Variants in WIZ observed in about 807,000 individuals in gnomAD.
The protein encoded by WIZ is WIZ zinc finger, also known as protein Wiz.
A neutral mutation model predicts 140.2 loss-of-function variants in WIZ; 25 were observed. The observed-to-expected ratio is 0.18, with a 90% CI of 0.13 to 0.25. The LOEUF (loss-of-function observed/expected upper bound fraction) is 0.25. Among genes scored for constraint, WIZ ranks in the 10% least tolerant of loss-of-function variants. WIZ has a pLI of 1.00. For missense variants in WIZ, 2,231 were observed against 2,632.6 expected, an observed-to-expected ratio of 0.85 and a Z score of 3.34; for synonymous variants, 1,125 against 1,154.3, an observed-to-expected ratio of 0.97 and a Z score of 0.51.
rs968437006 is a variant in WIZ, at chr19:15,440,104, A to T, written c.890T>A (p.Val297Glu). The change falls in exon 4 of 13, where the codon GTG (valine) becomes GAG (glutamate). Residue 297 changes from valine to glutamate, a missense_variant. Val to Glu is a moderately radical substitution (Grantham distance 121). Coordinates refer to ENST00000673675, the MANE Select transcript of WIZ (RefSeq NM_001371589.1). This position sits in a 1 kb window ranked among gnomAD's most constrained non-coding sequence, Gnocchi z 6.2. Reference sequence around the variant, plus strand: ...ATCTGGGCTGGCCACCCCTTCGGCCACCTCCTCCAGCAGCTCACACAGGTA... The same window carrying T: ...ATCTGGGCTGGCCACCCCTTCGGCCTCCTCCTCCAGCAGCTCACACAGGTA... ...GPYLCELLEE[V>E]AEGVASPDED... 13 of 1,533,536 alleles carry T rather than the reference A, an allele frequency of 8.5e-6. No homozygotes were observed. Among genetic ancestry groups the T allele is most frequent in the Admixed American group, 2.0e-5 (1 of 50,726 alleles). The allele number at this position is 1,533,536 out of a possible 1,614,324, so 95.0% of individuals were successfully genotyped here.
Position 15,422,715 on chromosome 19 carries a change from G to A in WIZ, c.*361C>T. 3.2e-6 allele frequency: 1 copy of A among 311,042 alleles called. No individual in the cohort carries two copies. The highest frequency in any genetic ancestry group is 4.7e-5 in the Admixed American group (1 of 21,396). 19.3% of individuals were successfully genotyped at this position (311,042 alleles called of 1,614,324 possible). ...GGGAACCAGAACAGGGGTCTTTGGGGTCTTTGCAAATGGCCACGGATGGCA... is the reference window on the plus strand; with the variant it reads ...GGGAACCAGAACAGGGGTCTTTGGGATCTTTGCAAATGGCCACGGATGGCA... On this transcript the variant is annotated 3_prime_UTR_variant, in exon 13 of 13. Transcript: ENST00000673675.
At position 15,429,803 on chromosome 19, in the gene WIZ, A is replaced by C. The variant is rs2145275706; in HGVS notation, c.3198T>G (p.Ala1066=). The C allele has an allele frequency of 6.6e-7, 1 of 1,526,302 alleles. No individual in the cohort carries two copies. The highest frequency in any genetic ancestry group is 2.5e-5 in the East Asian group (1 of 40,664). 94.5% of individuals were successfully genotyped at this position (1,526,302 alleles called of 1,614,324 possible). Reference sequence around the variant, plus strand: ...GAGGCGACTTGATGGCTTTGTTGACAGCAGGGGCATCCAAGGGCTTGGCCA... The same window carrying C: ...GAGGCGACTTGATGGCTTTGTTGACCGCAGGGGCATCCAAGGGCTTGGCCA... The part of the protein sequence containing the change: ...LSLAKPLDAP[A]VNKAIKSPPG... Residue 1066 remains alanine, a synonymous_variant, in exon 7 of 13, where the codon GCT becomes GCG. Coordinates refer to ENST00000673675, the MANE Select transcript of WIZ (RefSeq NM_001371589.1).
At chr19:15,426,904 C>T in intron 9 of WIZ, 78 bp downstream of exon 9, 6 of 1,513,316 alleles carry the variant, frequency 4.0e-6, no homozygotes, top group Non-Finnish European at 5.3e-6. Context: ...ACCCTAGGCA[C>T]TCTGGATACC....
In WIZ at chr19:15,425,758, T is replaced by C; in HGVS notation, c.4377A>G (p.Ala1459=). ...DMTPLNLSSR[A]EPVRDIRCEF... ...CACAGCGGATGTCGCGCACCGGCTC[T>C]GCCCGGGACGCTGCAGGGGATCCAG... Residue 1459 remains alanine, a synonymous_variant, in exon 10 of 13, where the codon GCA becomes GCG. Coordinates refer to ENST00000673675, the MANE Select transcript of WIZ (RefSeq NM_001371589.1). 1 of 1,565,126 alleles carries C rather than the reference T, an allele frequency of 6.4e-7. No individual in the cohort carries two copies. The highest frequency in any genetic ancestry group is 8.7e-7 in the Non-Finnish European group (1 of 1,152,808).
At position 15,436,928 on chromosome 19, in the gene WIZ, G is replaced by A. The variant is rs1454221565; in HGVS notation, c.2618C>T (p.Pro873Leu). 7 of 1,613,396 alleles carry A rather than the reference G, an allele frequency of 4.3e-6. No homozygotes were observed. The Admixed American group carries it at 6.7e-5, about 15-fold the overall frequency. ...CGGACCCCCAGGCTCTCGGCCCAGG[G>A]GGCTGGGGGGCTGCTCAGCAGCAGA... ...ATSAAEQPPS[P>L]LGREPGGPPG... Residue 873 changes from proline (P) to leucine (L), a missense_variant, in exon 5 of 13, where the codon CCC (proline) becomes CTC (leucine). Coordinates refer to ENST00000673675, the MANE Select transcript of WIZ (RefSeq NM_001371589.1).
At position 15,427,025 on chromosome 19, in the gene WIZ, A is replaced by G; in HGVS notation, c.4323T>C (p.Gly1441=). ...ALHGELHPSE[G]PWGAPREDMT... ...TGTCTTCCCGTGGTGCCCCCCAGGG[A>G]CCCTCAGATGGGTGCAGTTCCCCAT... The change falls in exon 9 of 13, where the codon GGT becomes GGC. Residue 1441 remains glycine (G), a synonymous_variant. Coordinates refer to ENST00000673675, the MANE Select transcript of WIZ (RefSeq NM_001371589.1). The surrounding 1 kb of genome is among the most constrained non-coding windows in gnomAD (Gnocchi z 6.4). 1 of 1,613,974 alleles carries G rather than the reference A, an allele frequency of 6.2e-7. No homozygotes were observed. The highest frequency in any genetic ancestry group is 8.5e-7 in the Non-Finnish European group (1 of 1,179,952).
At position 15,439,939 on chromosome 19, in the gene WIZ, A is replaced by C; in HGVS notation, c.1055T>G (p.Leu352Arg). The change falls in exon 4 of 13, where the codon CTG (leucine) becomes CGG (arginine). Residue 352 changes from leucine to arginine, a missense_variant. By Grantham distance (102) the Leu-to-Arg change is moderately radical. Around this residue, in one of 15 missense-constraint regions of WIZ, gnomAD observed 475 missense variants for 520.2 expected, o/e 0.91. Coordinates refer to ENST00000673675, the MANE Select transcript of WIZ (RefSeq NM_001371589.1). The surrounding 1 kb of genome is among the most constrained non-coding windows in gnomAD (Gnocchi z 7.0). ...GQEPPADLAP[L>R]ACGECGWAFA... Reference sequence around the variant, plus strand: ...GGCCCAGCCACACTCCCCGCAGGCCAGCGGGGCCAGGTCCGCAGGGGGCTC... The same window carrying C: ...GGCCCAGCCACACTCCCCGCAGGCCCGCGGGGCCAGGTCCGCAGGGGGCTC... 1 of 1,534,290 alleles carries C rather than the reference A, an allele frequency of 6.5e-7. No individual in the cohort carries two copies. The highest frequency in any genetic ancestry group is 8.7e-7 in the Non-Finnish European group (1 of 1,145,968).
chr19:15,444,733 TGA>T (rs1315606393), intron 2 of WIZ, among the ~76,000 whole-genome samples: 3 of 152,158 alleles, frequency 2.0e-5, no homozygotes, highest in Non-Finnish European at 4.4e-5. Context: ...AGAGAACATG[TGA>T]GTCATAGATT....
At chr19:15,425,082 G>A in intron 10 of WIZ, 50 bp from the exon 11 acceptor site, 1 of 1,511,106 alleles carries the variant, frequency 6.6e-7, no homozygotes, top group Non-Finnish European at 8.8e-7. Context: ...GGGGGCAGGT[G>A]CACCCAGATG....
rs554799301 is a variant in WIZ at position 15,432,925 on chromosome 19, G to C, written c.2741-1743C>G. Among the ~76,000 whole-genome samples the C allele has an allele frequency of 1.9e-4, 29 of 152,022 alleles. 1 individual carries two copies. The East Asian group carries it at 5.5e-3, about 29-fold the overall frequency. On this transcript the variant is annotated intron_variant, in intron 5 of 12. Transcript: ENST00000673675. Reference sequence around the variant, plus strand: ...GCTGCAGCTGCTGGAAGCTTGTCGCGCGCCCTGGCTAGCGGATGCACCCAC... The same window carrying C: ...GCTGCAGCTGCTGGAAGCTTGTCGCCCGCCCTGGCTAGCGGATGCACCCAC...
At chr19:15,446,872 T>C (rs1001757543) in intron 2 of WIZ, among the ~76,000 whole-genome samples, 5 of 152,238 alleles carry the variant, frequency 3.3e-5, no homozygotes, top group African/African-American at 1.2e-4. Flanking sequence ...GCGTGGCCCC[T>C]AGAAGATGCT....
In WIZ at chr19:15,424,534, A is replaced by C. The variant is rs1251796997; in HGVS notation, c.5314+79T>G. The stretch of plus-strand genomic sequence containing the variant: ...ACTGGAGAAAGGACTTAAGGGCCAC[A>C]GCAGAGCGCCTGGGGAGTGGCTGGG... On this transcript the variant is annotated intron_variant, in intron 11 of 12. Transcript: ENST00000673675. The surrounding 1 kb of genome is among the most constrained non-coding windows in gnomAD (Gnocchi z 9.7). The C allele has an allele frequency of 6.5e-7, 1 of 1,531,822 alleles. No homozygotes were observed. The highest frequency in any genetic ancestry group is 2.3e-5 in the East Asian group (1 of 42,772). The allele number at this position is 1,531,822 out of a possible 1,614,324, so 94.9% of individuals were successfully genotyped here.
At chr19:15,431,299 C>T in intron 5 of WIZ, 117 bp from the exon 6 acceptor site, 1 of 1,296,976 alleles carries the variant, frequency 7.7e-7, no homozygotes, top group Non-Finnish European at 1.0e-6. Flanking sequence ...CGAAGCGACT[C>T]ACCCCAGGAA....
intron 2 of WIZ, among the ~76,000 whole-genome samples, chr19:15,445,669 C>T (rs1969892689): frequency 6.6e-6 from 1 of 152,186 alleles, no homozygotes; most frequent in Non-Finnish European, 1.5e-5. Flanking sequence ...GTACCAGACT[C>T]TTCATCGATC....
chr19:15,428,935 T>C lies in WIZ; in HGVS notation c.3416-427A>G, dbSNP rs979824592. Among the ~76,000 whole-genome samples, 15 of 152,250 alleles carry C rather than the reference T, an allele frequency of 9.9e-5. No homozygotes were observed. Among genetic ancestry groups the C allele is most frequent in the African/African-American group, 2.2e-4 (9 of 41,538 alleles). On this transcript the variant is annotated intron_variant, in intron 7 of 12. Transcript: ENST00000673675. The surrounding 1 kb of genome is among the most constrained non-coding windows in gnomAD (Gnocchi z 6.4). ...ATAAGGTGCCAAATGGGGGGCTCCA[T>C]TGGGCAGGGGGTGAGACCCTGGGGT... is the stretch of plus-strand genomic sequence containing the variant.
intron 5 of WIZ, among the ~76,000 whole-genome samples, chr19:15,435,431 C>T (rs1415816488): frequency 1.3e-5 from 2 of 151,846 alleles, no homozygotes; most frequent in African/African-American, 4.8e-5. Context: ...ACAGCAAGAC[C>T]CCGTCTCAAA....
chr19:15,438,450 G>T, intron 4 of WIZ, 128 bp downstream of exon 4: 1 of 1,130,256 alleles, frequency 8.8e-7, no homozygotes, highest in Non-Finnish European at 1.2e-6. Flanking sequence ...CCTTCACTGT[G>T]GCTCTCAAGT....
At position 15,442,119 on chromosome 19, in the gene WIZ, G is replaced by A. The variant is rs543433745; in HGVS notation, c.278+557C>T. Among the ~76,000 whole-genome samples, 3 of 152,018 alleles carry A rather than the reference G, an allele frequency of 2.0e-5. No homozygotes were observed. The highest frequency in any genetic ancestry group is 7.2e-5 in the African/African-American group (3 of 41,442). ...GGAGAATCGCTTGAACCCAGGAGGT[G>A]GAGGTTGCAGTGAGCCAAGATCACG... On this transcript the variant is annotated intron_variant, in intron 3 of 12. Transcript: ENST00000673675. The surrounding 1 kb of genome is among the most constrained non-coding windows in gnomAD (Gnocchi z 5.5).
rs1315238225 is a variant in WIZ at position 15,428,518 on chromosome 19, C to T, written c.3416-10G>A. 2 of 1,535,110 alleles carry T rather than the reference C, an allele frequency of 1.3e-6. No individual in the cohort carries two copies. The highest frequency in any genetic ancestry group is 1.4e-5 in the African/African-American group (1 of 72,920). ...CCGTCACTATCTAAAGCTGCGGAGA[C>T]AAAACACAGGGGGGGTTCACGGCCG... On this transcript the variant is annotated splice_polypyrimidine_tract_variant and intron_variant, in intron 7 of 12. Transcript: ENST00000673675. The surrounding 1 kb of genome is among the most constrained non-coding windows in gnomAD (Gnocchi z 6.4).
Sources: allele counts gnomAD v4.1 joint callset (sites outside exome capture counted in the v4.1 genomes callset), GRCh38; gene constraint gnomAD v4.1.1; regional missense constraint gnomAD v4.1.1; non-coding constraint Gnocchi (gnomAD v3.1); transcripts MANE v1.5; gene names NCBI Gene and HGNC (gene_info 2026-07-23, HGNC 2026-07-21).